The following SLC3A2 variants were observed in gnomAD, a reference collection of about 807,000 sequenced individuals.
SLC3A2 encodes the protein solute carrier family 3 member 2, also known as amino acid transporter heavy chain SLC3A2.
Under a neutral mutation model 48.5 loss-of-function variants are expected in SLC3A2, and 32 were observed. That is an observed-to-expected ratio of 0.66 (90% CI 0.50 to 0.89). The LOEUF (loss-of-function observed/expected upper bound fraction) is 0.89. Among genes scored for constraint, SLC3A2 ranks in the 40% least tolerant of loss-of-function variants. The pLI is 0.00. For synonymous variants in SLC3A2, 277 were observed against 288.8 expected, an observed-to-expected ratio of 0.96 and a Z score of 0.41; for missense variants, 587 against 680.7, an observed-to-expected ratio of 0.86 and a Z score of 1.53.
chr11:62,862,985 G>C (rs1446670602), intron 1 of SLC3A2, among the ~76,000 whole-genome samples: 3 of 152,110 alleles, frequency 2.0e-5, no homozygotes, highest in Admixed American at 6.6e-5. Flanking sequence ...GCAGTGGCGT[G>C]ATCTCAGTTC....
At chr11:62,864,590 G>T (rs546220977) in intron 1 of SLC3A2, among the ~76,000 whole-genome samples, 57 of 133,686 alleles carry the variant, frequency 4.3e-4, no homozygotes, top group Admixed American at 3.9e-4. Context: ...CCTCAGCCTT[G>T]CGAGTAGCTG....
chr11:62,872,167 G>T (rs769156646), intron 1 of SLC3A2, among the ~76,000 whole-genome samples: 1 of 152,114 alleles, frequency 6.6e-6, no homozygotes, highest in Non-Finnish European at 1.5e-5. Context: ...CGTCTGCCTG[G>T]CCTCCCAAAG....
chr11:62,857,295 TTG>T (rs1434252980), intron 1 of SLC3A2, among the ~76,000 whole-genome samples: 17 of 152,056 alleles, frequency 1.1e-4, no homozygotes, highest in African/African-American at 3.9e-4. Flanking sequence ...ACACTAATTT[TTG>T]TGTTTTTCGG....
intron 7 of SLC3A2, among the ~76,000 whole-genome samples, chr11:62,887,108 T>G (rs2085724433): frequency 6.6e-6 from 1 of 152,156 alleles, no homozygotes; most frequent in Non-Finnish European, 1.5e-5. Context: ...TTCTGTCTGT[T>G]ACACTGAGGA....
intron 1 of SLC3A2, among the ~76,000 whole-genome samples, chr11:62,867,322 CTTTTTTT>C (rs56758000): frequency 2.5e-3 from 169 of 67,680 alleles, no homozygotes; most frequent in African/African-American, 8.1e-3. Context: ...CTTTTCTTTT[CTTTTTTT>C]TTTTTTTTTT....
intron 1 of SLC3A2, among the ~76,000 whole-genome samples, chr11:62,857,041 T>C (rs1191090300): frequency 1.3e-5 from 2 of 152,130 alleles, no homozygotes; most frequent in African/African-American, 4.8e-5. Context: ...CAGGCCGGTC[T>C]TGAACTCCTG....
upstream of SLC3A2, among the ~76,000 whole-genome samples, chr11:62,877,866 T>G (rs1275628532): frequency 6.6e-6 from 1 of 152,080 alleles, no homozygotes; most frequent in Non-Finnish European, 1.5e-5. Flanking sequence ...GCAGAAGGAA[T>G]TGACTTCAGG....
chr11:62,873,285 G>A (rs1162657518), intron 1 of SLC3A2, among the ~76,000 whole-genome samples: 1 of 151,872 alleles, frequency 6.6e-6, no homozygotes, highest in Non-Finnish European at 1.5e-5. Context: ...TCAGGAGTTC[G>A]AGAACAGCCT....
chr11:62,859,493 C>A (rs1001163490), intron 1 of SLC3A2, among the ~76,000 whole-genome samples: 3 of 152,120 alleles, frequency 2.0e-5, no homozygotes, highest in Admixed American at 6.6e-5. Flanking sequence ...ACCAGCATGG[C>A]CAACATGGTG....
At chr11:62,877,395 G>A (rs560506653), upstream of SLC3A2, among the ~76,000 whole-genome samples, 32 of 152,258 alleles carry the variant, frequency 2.1e-4, no homozygotes, top group East Asian at 6.2e-3. Flanking sequence ...TATTGGTTTT[G>A]ATTGACATAG....
At chr11:62,862,168 T>G (rs1442182888) in intron 1 of SLC3A2, among the ~76,000 whole-genome samples, 4 of 145,902 alleles carry the variant, frequency 2.7e-5, no homozygotes. Context: ...AATACAAAAA[T>G]TAGCTGGACA....
At chr11:62,884,114 T>C in intron 3 of SLC3A2, 1 of 490,392 alleles carries the variant, frequency 2.0e-6, no homozygotes, top group Non-Finnish European at 4.0e-6. Flanking sequence ...CTAAAATAGG[T>C]ATGCTAACAT....
exon 1 of SLC3A2, chr11:62,856,319 G>T (rs2085320483): frequency 1.2e-6 from 2 of 1,613,402 alleles, no homozygotes; most frequent in South Asian, 1.1e-5. Context: ...TCGATTCCGC[G>T]CCAGTTGCCT....
At chr11:62,874,963 A>G (rs988473634) in intron 1 of SLC3A2, among the ~76,000 whole-genome samples, 1 of 152,012 alleles carries the variant, frequency 6.6e-6, no homozygotes, top group Non-Finnish European at 1.5e-5. Context: ...GGGATTTGCC[A>G]TGTTGGCCAA....
chr11:62,871,598 C>T (rs1256487254), intron 1 of SLC3A2: 3 of 655,552 alleles, frequency 4.6e-6, no homozygotes, highest in Non-Finnish European at 8.3e-6. Context: ...GACTGTGTTA[C>T]CCAGGCTGGT....
intron 1 of SLC3A2, among the ~76,000 whole-genome samples, chr11:62,871,108 T>C (rs536265083): frequency 7.3e-5 from 11 of 151,338 alleles, no homozygotes; most frequent in African/African-American, 2.2e-4. Context: ...GGTCTTAAAC[T>C]CCTGACCTTG....
chr11:62,866,366 G>C (rs559046123), intron 1 of SLC3A2, among the ~76,000 whole-genome samples: 3 of 150,548 alleles, frequency 2.0e-5, no homozygotes, highest in Non-Finnish European at 4.4e-5. Flanking sequence ...GATCCATCCT[G>C]ATGGGAATGT....
chr11:62,880,730 T>G (rs1565252247), upstream of SLC3A2: 1 of 398,316 alleles, frequency 2.5e-6, no homozygotes, highest in Non-Finnish European at 4.5e-6. Flanking sequence ...TTAGACAGGT[T>G]GGAGATGAGA....
At chr11:62,884,164 T>C (rs980914653) in intron 3 of SLC3A2, 1 of 548,824 alleles carries the variant, frequency 1.8e-6, no homozygotes, top group South Asian at 1.9e-5. Context: ...TTTATGGACA[T>C]ACCTTTTCTC....
Sources: gnomAD v4.1 joint callset for allele counts (sites outside exome capture counted in the v4.1 genomes callset) on GRCh38, gnomAD v4.1.1 for gene constraint, MANE v1.5 for transcripts, NCBI Gene and HGNC (gene_info 2026-07-23, HGNC 2026-07-21) for gene names.